SAMD8: variants seen among roughly 807,000 people sequenced by gnomAD.
SAMD8 encodes sterile alpha motif domain containing 8.
Under a neutral mutation model 42.0 loss-of-function variants are expected in SAMD8, and 20 were observed. The ratio of observed to expected loss-of-function variants is 0.48; its 90% confidence interval spans 0.34 to 0.69. SAMD8 has a LOEUF of 0.69. SAMD8 is among the 30% of genes least tolerant of loss of function. The pLI is 0.01. For synonymous variants in SAMD8, 162 were observed against 173.0 expected (o/e 0.94, Z 0.50); for missense variants, 328 against 511.6 (o/e 0.64, Z 3.46).
At chr10:75,136,728 A>G (rs748927404) in intron 1 of SAMD8, among the ~76,000 whole-genome samples, 4 of 152,214 alleles carry the variant, frequency 2.6e-5, no homozygotes, top group East Asian at 1.9e-4. Context: ...GCGCCATCTC[A>G]ATACCAAAAA....
chr10:75,110,250 G>A (rs1245628904), upstream of SAMD8, among the ~76,000 whole-genome samples: 3 of 152,180 alleles, frequency 2.0e-5, no homozygotes, highest in East Asian at 1.9e-4. Context: ...GAGCCAAAGG[G>A]GCTAACTGTC....
upstream of SAMD8, among the ~76,000 whole-genome samples, chr10:75,109,917 A>C (rs948403097): frequency 6.6e-6 from 1 of 152,078 alleles, no homozygotes; most frequent in African/African-American, 2.4e-5. Flanking sequence ...TCCCAGGTTC[A>C]AGTGATTCTC....
At chr10:75,103,354 C>T (rs531447013) in intron 1 of SAMD8, among the ~76,000 whole-genome samples, 2 of 152,324 alleles carry the variant, frequency 1.3e-5, no homozygotes, top group South Asian at 4.1e-4. Context: ...CACACAGACA[C>T]AGGTGTAGAG....
At position 75,176,335 on chromosome 10, in the gene SAMD8, A is replaced by G; in HGVS notation, c.944-53A>G. ...CAGCCTGACCTGAGAAACGTGACTG[A>G]GAAGCATTGGAAGGAATGTAGCTTT... On this transcript the variant is annotated intron_variant, in intron 5 of 5. Transcript: ENST00000542569. This position sits in a 1 kb window ranked among gnomAD's most constrained non-coding sequence, Gnocchi z 4.3. 1 of 1,592,820 alleles carries G rather than the reference A, an allele frequency of 6.3e-7. No individual in the cohort carries two copies. Among genetic ancestry groups the G allele is most frequent in the Middle Eastern group, 1.7e-4 (1 of 5,928 alleles).
chr10:75,111,594 C>T, upstream of SAMD8: 3 of 1,251,088 alleles, frequency 2.4e-6, no homozygotes, highest in East Asian at 6.3e-5. Flanking sequence ...CTCCGGCTCC[C>T]CGCCCCGGGC....
chr10:75,168,717 C>T, intron 4 of SAMD8, 59 bp downstream of exon 4: 1 of 1,015,464 alleles, frequency 9.8e-7, no homozygotes, highest in South Asian at 1.3e-5. Flanking sequence ...ACACTATATG[C>T]AATAGGGCTA....
At chr10:75,171,402 C>T (rs1288612421) in intron 4 of SAMD8, among the ~76,000 whole-genome samples, 1 of 151,228 alleles carries the variant, frequency 6.6e-6, no homozygotes, top group Non-Finnish European at 1.5e-5. Context: ...CTCCTGACCT[C>T]ATGATCCGCC....
At position 75,152,350 on chromosome 10, in the gene SAMD8, G is replaced by A. The variant is rs1389590429; in HGVS notation, c.578+1244G>A. Among the ~76,000 whole-genome samples, 19 of 148,256 alleles carry A rather than the reference G, an allele frequency of 1.3e-4. No homozygotes were observed. The East Asian group carries it at 2.9e-3, about 23-fold the overall frequency. On this transcript the variant is annotated intron_variant, in intron 2 of 5. Coordinates refer to ENST00000542569, the MANE Select transcript of SAMD8 (RefSeq NM_001174156.2). ...ATCCCGGCTAAAACGGTGAAACCCC[G>A]TCTCTACTAAAAATACAAAAAATTA...
At chr10:75,169,195 T>TAAA (rs1840780528) in intron 4 of SAMD8, among the ~76,000 whole-genome samples, 1 of 64,298 alleles carries the variant, frequency 1.6e-5, no homozygotes, top group Non-Finnish European at 3.0e-5. Context: ...AAAAAAAAAG[T>TAAA]TTTTATTTTG....
At chr10:75,144,848 G>A (rs1050563400) in intron 1 of SAMD8, among the ~76,000 whole-genome samples, 2 of 152,178 alleles carry the variant, frequency 1.3e-5, no homozygotes, top group Middle Eastern at 3.4e-3. Flanking sequence ...TTATAGAGAC[G>A]AGGTCTCACT....
chr10:75,127,105 C>T (rs1406673178), intron 1 of SAMD8, among the ~76,000 whole-genome samples: 1 of 149,986 alleles, frequency 6.7e-6, no homozygotes, highest in African/African-American at 2.5e-5. Flanking sequence ...AGGAGAATCG[C>T]TTGAACCTGG....
At chr10:75,124,526 T>C (rs958536720) in intron 1 of SAMD8, among the ~76,000 whole-genome samples, 5 of 151,692 alleles carry the variant, frequency 3.3e-5, no homozygotes, top group African/African-American at 1.2e-4. Flanking sequence ...GGTGGGAGAA[T>C]TGCTTCAACC....
chr10:75,168,429 A>G, intron 3 of SAMD8, 112 bp from the exon 4 acceptor site: 1 of 1,516,904 alleles, frequency 6.6e-7, no homozygotes. Flanking sequence ...GTCCTCTTCA[A>G]AGAGTCTAGT....
intron 3 of SAMD8, among the ~76,000 whole-genome samples, chr10:75,166,514 A>C (rs1840684390): frequency 6.6e-6 from 1 of 152,138 alleles, no homozygotes; most frequent in Non-Finnish European, 1.5e-5. Context: ...GCTTGAGGTA[A>C]ACCACAGTGA....
chr10:75,149,268 A>T (rs890637263), intron 1 of SAMD8, among the ~76,000 whole-genome samples: 1 of 152,224 alleles, frequency 6.6e-6, no homozygotes, highest in Non-Finnish European at 1.5e-5. Flanking sequence ...TGAATGTTTT[A>T]CAATAAAAGA....
chr10:75,172,408 A>C (rs1252487504), intron 4 of SAMD8, among the ~76,000 whole-genome samples: 2 of 151,788 alleles, frequency 1.3e-5, no homozygotes, highest in Non-Finnish European at 2.9e-5. Context: ...ATCATAGCTC[A>C]CTGTCAGCCT....
chr10:75,154,142 G>T (rs1840358815), intron 2 of SAMD8, among the ~76,000 whole-genome samples: 1 of 152,136 alleles, frequency 6.6e-6, no homozygotes, highest in Non-Finnish European at 1.5e-5. Flanking sequence ...GGAGAAAACA[G>T]CCATACATTT....
chr10:75,115,458 C>T (rs1231455016), intron 1 of SAMD8, among the ~76,000 whole-genome samples: 1 of 152,128 alleles, frequency 6.6e-6, no homozygotes, highest in Non-Finnish European at 1.5e-5. Flanking sequence ...CTGTTGCTTC[C>T]TGGTAATTTG....
At chr10:75,108,860 C>G (rs1261968073), upstream of SAMD8, 1 of 1,056,292 alleles carries the variant, frequency 9.5e-7, no homozygotes, top group East Asian at 3.1e-5. Flanking sequence ...GACCTCAGCA[C>G]CCCCGGGGGT....
Sources: gnomAD v4.1 joint callset for allele counts (sites outside exome capture counted in the v4.1 genomes callset) on GRCh38, gnomAD v4.1.1 for gene constraint, Gnocchi (gnomAD v3.1) non-coding constraint, MANE v1.5 for transcripts, NCBI Gene and HGNC (gene_info 2026-07-23, HGNC 2026-07-21) for gene names.